The following XKR4 variants were observed in gnomAD, a reference collection of about 807,000 sequenced individuals.
The protein encoded by XKR4 is XK related 4.
In XKR4, 12 loss-of-function variants were observed where a neutral mutation model predicts 53.9. The observed-to-expected ratio is 0.22, with a 90% CI of 0.14 to 0.36. The LOEUF (loss-of-function observed/expected upper bound fraction) is 0.36, where lower values mean the gene tolerates loss of function less well. Among genes scored for constraint, XKR4 ranks in the 10% least tolerant of loss-of-function variants. The probability of loss-of-function intolerance (pLI) is 1.00; values close to 1 mark genes in which losing one functional copy is unlikely to be tolerated. For synonymous variants in XKR4, 354 were observed against 362.4 expected (o/e 0.98, Z 0.26); for missense variants, 799 against 859.5 (o/e 0.93, Z 0.88).
chr8:55,374,987 G>A (rs1236405742), intron 2 of XKR4, among the ~76,000 whole-genome samples: 1 of 152,200 alleles, frequency 6.6e-6, no homozygotes, highest in African/African-American at 2.4e-5. Context: ...GCCTCTTCCA[G>A]CAGTTTGCAG....
chr8:55,214,129 C>T (rs534942725), intron 1 of XKR4, among the ~76,000 whole-genome samples: 9 of 152,016 alleles, frequency 5.9e-5, no homozygotes, highest in Non-Finnish European at 1.3e-4. Flanking sequence ...CCTAAAGTTG[C>T]CAGGATTGCA....
intron 1 of XKR4, among the ~76,000 whole-genome samples, chr8:55,135,962 T>G (rs374867105): frequency 4.3e-4 from 65 of 152,080 alleles, no homozygotes; most frequent in African/African-American, 1.5e-3. Flanking sequence ...GGCACGATCT[T>G]GGCTCACTGC....
chr8:55,326,269 C>A (rs1803290714), intron 1 of XKR4, among the ~76,000 whole-genome samples: 1 of 152,124 alleles, frequency 6.6e-6, no homozygotes, highest in Non-Finnish European at 1.5e-5. Flanking sequence ...TGTTTAATGC[C>A]TACTATGCCA....
At chr8:55,415,314 G>A (rs2129391732) in intron 2 of XKR4, among the ~76,000 whole-genome samples, 1 of 152,248 alleles carries the variant, frequency 6.6e-6, no homozygotes, top group East Asian at 1.9e-4. Flanking sequence ...ACTTGGACAG[G>A]GGAGGGTTAA....
At chr8:55,230,526 C>A (rs1818021432) in intron 1 of XKR4, among the ~76,000 whole-genome samples, 2 of 152,014 alleles carry the variant, frequency 1.3e-5, no homozygotes, top group African/African-American at 4.8e-5. Flanking sequence ...TGCCACCATG[C>A]CTGGCTAATT....
At position 55,532,091 on chromosome 8, in the gene XKR4, C is replaced by G. The variant is rs1286287892; in HGVS notation, c.*7864C>G. 6.6e-6 allele frequency: 1 copy of G among 152,186 alleles called. No homozygotes were observed. The highest frequency in any genetic ancestry group is 1.5e-5 in the Non-Finnish European group (1 of 68,034). The allele number at this position is 152,186 out of a possible 1,614,324, so 9.4% of individuals were successfully genotyped here. A position where few individuals can be genotyped will look rare whatever the true frequency, so the allele number is the denominator to read the frequency against. On this transcript the variant is annotated 3_prime_UTR_variant, in exon 3 of 3. Coordinates refer to ENST00000327381, the MANE Select transcript of XKR4 (RefSeq NM_052898.2). ...CTAATTTTCCTTATGTGAAATAATT[C>G]TGGTCAGGGAATATATAAACCCATT...
At chr8:55,470,143 A>G (rs1805858204) in intron 2 of XKR4, among the ~76,000 whole-genome samples, 1 of 152,148 alleles carries the variant, frequency 6.6e-6, no homozygotes, top group Non-Finnish European at 1.5e-5. Flanking sequence ...AGTAATGTTC[A>G]CAAGGGTGGA....
At chr8:55,323,356 C>T (rs1030492934) in intron 1 of XKR4, among the ~76,000 whole-genome samples, 21 of 152,308 alleles carry the variant, frequency 1.4e-4, no homozygotes, top group African/African-American at 4.8e-4. Context: ...TCAATCCTAA[C>T]CCCAACTCTT....
intron 2 of XKR4, among the ~76,000 whole-genome samples, chr8:55,491,624 G>A (rs1563365300): frequency 1.2e-5 from 1 of 80,086 alleles, no homozygotes. Flanking sequence ...ATGTCTTTGG[G>A]GGTTTGTTTG....
chr8:55,305,805 G>A (rs747972845), intron 1 of XKR4, among the ~76,000 whole-genome samples: 3 of 151,956 alleles, frequency 2.0e-5, no homozygotes, highest in Non-Finnish European at 4.4e-5. Context: ...AAAAATATAT[G>A]ACTTGTATAT....
chr8:55,130,527 C>T (rs765462640), intron 1 of XKR4, among the ~76,000 whole-genome samples: 5 of 152,164 alleles, frequency 3.3e-5, no homozygotes, highest in Non-Finnish European at 5.9e-5. Context: ...GTGAGGACTT[C>T]GGATTTTAAT....
intron 2 of XKR4, among the ~76,000 whole-genome samples, chr8:55,484,907 A>G (rs903457173): frequency 1.3e-5 from 2 of 152,234 alleles, no homozygotes; most frequent in African/African-American, 4.8e-5. Context: ...TTTCAGTCCC[A>G]GACTGGGACT....
At chr8:55,289,695 G>GAAAA in intron 1 of XKR4, among the ~76,000 whole-genome samples, 1 of 87,798 alleles carries the variant, frequency 1.1e-5, no homozygotes, top group African/African-American at 3.3e-5. Flanking sequence ...AAGAAAGAAA[G>GAAAA]AGAAAGAAAG....
Position 55,290,738 on chromosome 8 carries a change from AT to A in XKR4, c.807-66933del, listed in dbSNP as rs201295973. On this transcript the variant is annotated intron_variant, in intron 1 of 2. Coordinates refer to ENST00000327381, the MANE Select transcript of XKR4 (RefSeq NM_052898.2). ...AAGTACTAATGGTAATGTCTATTTT[AT>A]TTTTTTACCATTGAGTAAGAAAATT... 2.2e-4 allele frequency among the ~76,000 whole-genome samples: 33 copies of A among 152,046 alleles called. No homozygotes were observed. In the East Asian group the frequency reaches 4.1e-3, roughly 19 times the overall value.
chr8:55,392,509 G>C (rs1804457483), intron 2 of XKR4, among the ~76,000 whole-genome samples: 1 of 152,178 alleles, frequency 6.6e-6, no homozygotes, highest in South Asian at 2.1e-4. Flanking sequence ...AATTAAAAGA[G>C]GCCGAGCATG....
intron 2 of XKR4, among the ~76,000 whole-genome samples, chr8:55,443,279 T>C (rs1223850990): frequency 1.3e-5 from 2 of 151,902 alleles, no homozygotes; most frequent in African/African-American, 4.8e-5. Context: ...AAGGCCAGTA[T>C]CAGGTTAATA....
At position 55,541,438 on chromosome 8, in the gene XKR4, G is replaced by A. The variant is rs549962999; in HGVS notation, c.*17211G>A. On this transcript the variant is annotated 3_prime_UTR_variant, in exon 3 of 3. Transcript: ENST00000327381. ...TATCTCTGAAAAAAAAATGGAACAGGTGGCAGGTGAACAGCAAATGGAAGA... is the reference window on the plus strand; with the variant it reads ...TATCTCTGAAAAAAAAATGGAACAGATGGCAGGTGAACAGCAAATGGAAGA... The A allele has an allele frequency of 6.6e-6, 1 of 152,164 alleles. No individual in the cohort carries two copies. The highest frequency in any genetic ancestry group is 2.1e-4 in the South Asian group (1 of 4,820). The allele number at this position is 152,164 out of a possible 1,614,324, so 9.4% of individuals were successfully genotyped here.
At chr8:55,328,395 T>C (rs1803326794) in intron 1 of XKR4, among the ~76,000 whole-genome samples, 3 of 152,194 alleles carry the variant, frequency 2.0e-5, no homozygotes, top group Admixed American at 2.0e-4. Context: ...TGAGATACCA[T>C]GCAAGTGCTA....
At chr8:55,178,848 G>A (rs1462835606) in intron 1 of XKR4, among the ~76,000 whole-genome samples, 2 of 152,118 alleles carry the variant, frequency 1.3e-5, no homozygotes, top group East Asian at 3.9e-4. Flanking sequence ...TCCTACTGTT[G>A]GTTGTCACCA....
Sources: gnomAD v4.1 joint callset for allele counts (sites outside exome capture counted in the v4.1 genomes callset) on GRCh38, gnomAD v4.1.1 for gene constraint, MANE v1.5 for transcripts, NCBI Gene and HGNC (gene_info 2026-07-23, HGNC 2026-07-21) for gene names.